GLYATL2: variants seen among roughly 807,000 people sequenced by gnomAD.
GLYATL2 encodes glycine-N-acyltransferase like 2, also known as glycine N-acyltransferase-like protein 2.
In GLYATL2, 25 loss-of-function variants were observed where a neutral mutation model predicts 21.4. The ratio of observed to expected loss-of-function variants is 1.17; its 90% CI spans 0.85 to 1.63. The LOEUF is 1.63. Ranked by LOEUF, GLYATL2 falls within the 40% of genes most tolerant of loss-of-function variation. The probability of loss-of-function intolerance (pLI) is 0.00; values close to 1 mark genes in which losing one functional copy is unlikely to be tolerated. For synonymous variants in GLYATL2, 114 were observed against 118.2 expected, an observed-to-expected ratio of 0.96 and a Z score of 0.23; for missense variants, 361 against 343.3, an observed-to-expected ratio of 1.05 and a Z score of -0.41.
intron 1 of GLYATL2, among the ~76,000 whole-genome samples, chr11:58,850,743 G>A (rs1206818774): frequency 6.6e-6 from 1 of 151,944 alleles, no homozygotes; most frequent in Non-Finnish European, 1.5e-5. Context: ...ACCAGGAAAG[G>A]GAGTCTCCCT....
At chr11:58,902,204 C>CTA (rs781738145) in intron 1 of GLYATL2, among the ~76,000 whole-genome samples, 6 of 152,088 alleles carry the variant, frequency 3.9e-5, no homozygotes, top group African/African-American at 7.3e-5. Flanking sequence ...GGTGAGCCCA[C>CTA]TATGAACCCA....
intron 1 of GLYATL2, among the ~76,000 whole-genome samples, chr11:58,900,980 G>A (rs766981064): frequency 8.6e-5 from 13 of 151,498 alleles, no homozygotes; most frequent in Non-Finnish European, 1.2e-4. Context: ...GGCGCCATCA[G>A]CTGGCAGCAC....
chr11:58,850,683 T>C (rs1296837137), intron 1 of GLYATL2, among the ~76,000 whole-genome samples: 1 of 151,978 alleles, frequency 6.6e-6, no homozygotes, highest in Non-Finnish European at 1.5e-5. Flanking sequence ...CAAGTGGACA[T>C]GGTCTAGCGG....
intron 1 of GLYATL2, among the ~76,000 whole-genome samples, chr11:58,869,071 A>G (rs1854070341): frequency 7.2e-6 from 1 of 139,112 alleles, no homozygotes; most frequent in South Asian, 2.3e-4. Flanking sequence ...TTCTGTAGGA[A>G]TTTTTATTTG....
At position 58,868,211 on chromosome 11, in the gene GLYATL2, T is replaced by A. The variant is rs768257926; in HGVS notation, n.61-29843A>T. ...GAAACCTCCCCTGTAGTCCCATAGA[T>A]AGATTTTTGTATAAACATAGAAGTT... On this transcript the variant is annotated intron_variant and non_coding_transcript_variant, in intron 1 of 4. Coordinates refer to the GLYATL2 transcript ENST00000533636. Among the ~76,000 whole-genome samples, 2 of 148,848 alleles carry A rather than the reference T, an allele frequency of 1.3e-5. 1 individual carries two copies. The highest frequency in any genetic ancestry group is 3.0e-5 in the Non-Finnish European group (2 of 67,118).
chr11:58,880,965 A>G (rs1854322120), intron 1 of GLYATL2, among the ~76,000 whole-genome samples: 1 of 152,222 alleles, frequency 6.6e-6, no homozygotes, highest in Non-Finnish European at 1.5e-5. Context: ...GTATTAACTA[A>G]TTTGCTAATG....
intron 1 of GLYATL2, among the ~76,000 whole-genome samples, chr11:58,888,670 GT>G (rs1234279135): frequency 6.6e-6 from 1 of 151,460 alleles, no homozygotes; most frequent in East Asian, 1.9e-4. Context: ...CTATTTCATT[GT>G]TTTTGTGATA....
At chr11:58,862,126 A>G (rs1177829174) in intron 1 of GLYATL2, among the ~76,000 whole-genome samples, 1 of 152,194 alleles carries the variant, frequency 6.6e-6, no homozygotes, top group Non-Finnish European at 1.5e-5. Context: ...AGAACATTGA[A>G]TATATCATTC....
At chr11:58,874,316 C>T (rs1247979938) in intron 1 of GLYATL2, among the ~76,000 whole-genome samples, 1 of 152,074 alleles carries the variant, frequency 6.6e-6, no homozygotes, top group Non-Finnish European at 1.5e-5. Context: ...TTAGTTATTT[C>T]TTGCCTTCTG....
intron 1 of GLYATL2, among the ~76,000 whole-genome samples, chr11:58,852,236 A>C (rs12794576): frequency 0.89 from 135,673 of 152,128 alleles, 61,537 homozygotes; most frequent in Non-Finnish European, 0.98. Flanking sequence ...AGTCTCAATA[A>C]AAATTCTGCA....
intron 1 of GLYATL2, among the ~76,000 whole-genome samples, chr11:58,863,917 C>T (rs553428482): frequency 5.3e-5 from 8 of 152,298 alleles, no homozygotes; most frequent in Admixed American, 5.2e-4. Context: ...GGAACTGGCC[C>T]TGGAGAGTAG....
chr11:58,844,316 C>T (rs902941329), intron 1 of GLYATL2, 118 bp downstream of exon 1: 13 of 152,124 alleles, frequency 8.5e-5, no homozygotes, highest in African/African-American at 3.1e-4. Flanking sequence ...GGGGAGTGCT[C>T]TTTCCAAGGG....
chr11:58,891,475 G>A (rs1565108069), intron 1 of GLYATL2, among the ~76,000 whole-genome samples: 1 of 152,148 alleles, frequency 6.6e-6, no homozygotes, highest in Non-Finnish European at 1.5e-5. Context: ...GTAGCCTTGG[G>A]AAAAGGCAAT....
intron 1 of GLYATL2, among the ~76,000 whole-genome samples, chr11:58,859,670 AT>A (rs1484561245): frequency 1.3e-5 from 2 of 152,276 alleles, no homozygotes; most frequent in Admixed American, 1.3e-4. Flanking sequence ...TGCTTTAGGA[AT>A]TCCATCCAAA....
chr11:58,846,930 CCTTCCCTCTG>C (rs1488529028), upstream of GLYATL2, among the ~76,000 whole-genome samples: 1 of 151,986 alleles, frequency 6.6e-6, no homozygotes, highest in African/African-American at 2.4e-5. Flanking sequence ...TAAAGAGACT[CCTTCCCTCTG>C]CTTGAGGAAT....
intron 1 of GLYATL2, among the ~76,000 whole-genome samples, chr11:58,856,620 GT>G (rs1853832129): frequency 6.6e-6 from 1 of 152,052 alleles, no homozygotes; most frequent in African/African-American, 2.4e-5. Context: ...TAATTTAAAT[GT>G]TGTTGTGTCT....
At chr11:58,866,358 T>A (rs1565098142) in intron 1 of GLYATL2, among the ~76,000 whole-genome samples, 1 of 148,842 alleles carries the variant, frequency 6.7e-6, no homozygotes, top group Non-Finnish European at 1.5e-5. Flanking sequence ...CACCAGTCAG[T>A]TAAAACAGCT....
intron 1 of GLYATL2, among the ~76,000 whole-genome samples, chr11:58,857,882 C>A (rs1297001983): frequency 1.1e-5 from 1 of 91,950 alleles, no homozygotes; most frequent in African/African-American, 4.0e-5. Flanking sequence ...CTACTCTTTT[C>A]CCCTCCAAAA....
intron 1 of GLYATL2, among the ~76,000 whole-genome samples, chr11:58,885,996 C>G (rs994629629): frequency 6.6e-6 from 1 of 152,216 alleles, no homozygotes; most frequent in Non-Finnish European, 1.5e-5. Flanking sequence ...AGGAGGATCA[C>G]TTGAGTCCAG....
Sources: allele counts gnomAD v4.1 joint callset (sites outside exome capture counted in the v4.1 genomes callset), GRCh38; gene constraint gnomAD v4.1.1; transcripts MANE v1.5; gene names NCBI Gene and HGNC (gene_info 2026-07-23, HGNC 2026-07-21).